DPY19L2: variants seen among roughly 807,000 people sequenced by gnomAD.
DPY19L2 encodes probable C-mannosyltransferase DPY19L2.
Under a neutral mutation model 97.9 loss-of-function variants are expected in DPY19L2, and 34 were observed. The ratio of observed to expected loss-of-function variants is 0.35; its 90% CI spans 0.26 to 0.46. The LOEUF (loss-of-function observed/expected upper bound fraction) is 0.46. Ranked by LOEUF, DPY19L2 falls within the 20% of genes least tolerant of loss-of-function variation. The probability of loss-of-function intolerance (pLI) is 1.00; values close to 1 mark genes in which losing one functional copy is unlikely to be tolerated. For synonymous variants in DPY19L2, 230 were observed against 307.9 expected (o/e 0.75, Z 2.65); for missense variants, 623 against 911.4 (o/e 0.68, Z 4.07).
intron 6 of DPY19L2, among the ~76,000 whole-genome samples, chr12:63,634,796 G>A (rs548434218): frequency 6.6e-6 from 1 of 152,090 alleles, no homozygotes; most frequent in Non-Finnish European, 1.5e-5. Flanking sequence ...GCTCGAACAG[G>A]GTGGAGCCCA....
At chr12:63,611,044 A>G (rs1408642203) in intron 11 of DPY19L2, among the ~76,000 whole-genome samples, 7 of 151,924 alleles carry the variant, frequency 4.6e-5, no homozygotes, top group Non-Finnish European at 7.4e-5. Flanking sequence ...CTCAAAACTT[A>G]GGATGGCCAT....
chr12:63,605,861 A>G (rs1885955457), intron 12 of DPY19L2, among the ~76,000 whole-genome samples: 1 of 152,188 alleles, frequency 6.6e-6, no homozygotes, highest in South Asian at 2.1e-4. Context: ...GACCTTTAAG[A>G]CAATCTTGCT....
intron 6 of DPY19L2, among the ~76,000 whole-genome samples, chr12:63,636,219 A>G (rs1891662667): frequency 6.6e-6 from 1 of 152,088 alleles, no homozygotes; most frequent in Non-Finnish European, 1.5e-5. Context: ...TTACAGACAA[A>G]CAAATGCTGA....
rs141804262 is a variant in DPY19L2 at position 63,627,734 on chromosome 12, C to G, written c.804-1208G>C. Among the ~76,000 whole-genome samples the G allele has an allele frequency of 1.1e-3, 165 of 152,296 alleles. 1 individual carries two copies. The highest frequency in any genetic ancestry group is 3.8e-3 in the African/African-American group (159 of 41,556). On this transcript the variant is annotated intron_variant, in intron 6 of 21. Coordinates refer to ENST00000324472, the MANE Select transcript of DPY19L2 (RefSeq NM_173812.5). ...TCAATCCCACATCTGTGTAGCGTTT[C>G]TATGCTTCCATTTATCTTCCCTCCA... is the stretch of plus-strand genomic sequence containing the variant.
chr12:63,626,913 G>A (rs1402724370), intron 6 of DPY19L2, among the ~76,000 whole-genome samples: 8 of 152,016 alleles, frequency 5.3e-5, no homozygotes, highest in African/African-American at 1.9e-4. Flanking sequence ...CAAGTAGCTC[G>A]GATTACAGGC....
At chr12:63,569,473 A>C (rs1216785147) in intron 20 of DPY19L2, 124 bp from the exon 21 acceptor site, 74 of 725,606 alleles carry the variant, frequency 1.0e-4, no homozygotes, top group Non-Finnish European at 1.4e-4. Context: ...TACATGACTC[A>C]AAACAGCATC....
In DPY19L2 at chr12:63,580,673, C is replaced by A; in HGVS notation, c.1889G>T (p.Ser630Ile). Residue 630 changes from serine (S) to isoleucine (I), a missense_variant, in exon 19 of 22, where the codon AGT (serine) becomes ATT (isoleucine). By Grantham distance (142) the Ser-to-Ile change is moderately radical (BLOSUM62 -2). This residue lies in a region of DPY19L2 where 294 missense variants were observed against 446.2 expected (regional missense o/e 0.66). Coordinates refer to ENST00000324472, the MANE Select transcript of DPY19L2 (RefSeq NM_173812.5). ...AAATACCTACACACCTGATGTGGTA[C>A]TGTATTTGATCCACTGTAAAAGTTC... is the stretch of plus-strand genomic sequence containing the variant. ...QEELLQWIKYSTTSDAVFAGA... is the reference protein window; with the variant it reads ...QEELLQWIKYITTSDAVFAGA... The A allele has an allele frequency of 6.2e-7, 1 of 1,611,442 alleles. No homozygotes were observed. Among genetic ancestry groups the A allele is most frequent in the Non-Finnish European group, 8.5e-7 (1 of 1,179,024 alleles).
intron 6 of DPY19L2, among the ~76,000 whole-genome samples, chr12:63,627,249 C>T (rs1226131851): frequency 6.6e-6 from 1 of 152,204 alleles, no homozygotes; most frequent in Non-Finnish European, 1.5e-5. Context: ...GTCTAAACTA[C>T]TGCAAATATT....
chr12:63,620,642 C>T (rs554096249), intron 9 of DPY19L2, among the ~76,000 whole-genome samples: 5 of 152,182 alleles, frequency 3.3e-5, no homozygotes, highest in East Asian at 1.9e-4. Context: ...TCTTTTAGGG[C>T]GTAAATGTAA....
At chr12:63,607,108 C>T (rs1475706494) in intron 12 of DPY19L2, among the ~76,000 whole-genome samples, 1 of 151,904 alleles carries the variant, frequency 6.6e-6, no homozygotes, top group Non-Finnish European at 1.5e-5. Context: ...TTTTTTGTTT[C>T]TTTGATATTC....
chr12:63,606,724 T>G (rs1368337365), intron 12 of DPY19L2, among the ~76,000 whole-genome samples: 1 of 152,156 alleles, frequency 6.6e-6, no homozygotes, highest in Non-Finnish European at 1.5e-5. Flanking sequence ...TCTCATACTA[T>G]CCTTATCTGG....
chr12:63,560,732 A>G (rs968537006), intron 21 of DPY19L2, 70 bp from the exon 22 acceptor site: 10 of 1,534,378 alleles, frequency 6.5e-6, no homozygotes, highest in East Asian at 4.7e-5. Flanking sequence ...GATACATAAC[A>G]TCTAGATTTT....
intron 5 of DPY19L2, 71 bp from the exon 6 acceptor site, chr12:63,644,567 A>T: frequency 6.4e-7 from 1 of 1,555,772 alleles, no homozygotes; most frequent in Non-Finnish European, 8.7e-7. Flanking sequence ...TAATTATCTC[A>T]GTGCTTTGCA....
At chr12:63,598,947 C>A (rs1215903370) in intron 13 of DPY19L2, among the ~76,000 whole-genome samples, 1 of 151,076 alleles carries the variant, frequency 6.6e-6, no homozygotes, top group Non-Finnish European at 1.5e-5. Flanking sequence ...CCCAGGCAGG[C>A]GGATCACTTG....
At chr12:63,585,486 GA>G (rs1881639087) in intron 16 of DPY19L2, among the ~76,000 whole-genome samples, 1 of 151,968 alleles carries the variant, frequency 6.6e-6, no homozygotes, top group African/African-American at 2.4e-5. Context: ...GGTAATAGTA[GA>G]GACCAAATTA....
chr12:63,591,186 T>C (rs1882843651), intron 16 of DPY19L2: 1 of 448,132 alleles, frequency 2.2e-6, no homozygotes, highest in South Asian at 1.6e-5. Flanking sequence ...TTTCAACAGA[T>C]GCACCTAAGA....
intron 4 of DPY19L2, among the ~76,000 whole-genome samples, chr12:63,652,690 C>G (rs2942588): frequency 0.16 from 23,807 of 151,996 alleles, 2,068 homozygotes; most frequent in East Asian, 0.41. Flanking sequence ...ACTAAATACT[C>G]TGTGTTCTCA....
upstream of DPY19L2, chr12:63,668,516 C>T (rs1298566953): frequency 7.8e-6 from 8 of 1,028,072 alleles, no homozygotes; most frequent in Non-Finnish European, 1.1e-5. Flanking sequence ...CGTTGCGGAC[C>T]TCCCGGTCGT....
At chr12:63,595,633 T>G (rs1487645329) in intron 15 of DPY19L2, among the ~76,000 whole-genome samples, 1 of 152,144 alleles carries the variant, frequency 6.6e-6, no homozygotes, top group South Asian at 2.1e-4. Flanking sequence ...GTGTGATTAT[T>G]TGCTTCATGT....
Sources: allele counts gnomAD v4.1 joint callset (sites outside exome capture counted in the v4.1 genomes callset), GRCh38; gene constraint gnomAD v4.1.1; regional missense constraint gnomAD v4.1.1; transcripts MANE v1.5; gene names NCBI Gene and HGNC (gene_info 2026-07-23, HGNC 2026-07-21).